The following DOK5 variants were observed in gnomAD, a reference collection of about 807,000 sequenced individuals.
DOK5 encodes the protein docking protein 5, also known as downstream of tyrosine kinase 5.
A neutral mutation model predicts 43.3 loss-of-function variants in DOK5; 27 were observed. The ratio of observed to expected loss-of-function variants is 0.62; its 90% CI spans 0.46 to 0.86. DOK5 has a LOEUF of 0.86. DOK5 is among the 40% of genes least tolerant of loss of function. DOK5 has a pLI of 0.00. For missense variants in DOK5, 373 were observed against 392.9 expected (o/e 0.95, Z 0.43); for synonymous variants, 146 against 140.1 (o/e 1.04, Z -0.30).
intron 5 of DOK5, among the ~76,000 whole-genome samples, chr20:54,603,545 G>C (rs1029278088): frequency 1.3e-5 from 2 of 152,088 alleles, no homozygotes; most frequent in African/African-American, 4.8e-5. Flanking sequence ...CCTCATTTTG[G>C]TCTATTTCAA....
chr20:54,533,526 G>C (rs955277309), intron 1 of DOK5, among the ~76,000 whole-genome samples: 1 of 152,010 alleles, frequency 6.6e-6, no homozygotes, highest in Non-Finnish European at 1.5e-5. Context: ...ATTAACAAAA[G>C]AATGCATAAT....
chr20:54,478,685 C>T (rs1000482422), intron 1 of DOK5, among the ~76,000 whole-genome samples: 52 of 152,314 alleles, frequency 3.4e-4, no homozygotes, highest in South Asian at 8.3e-4. Flanking sequence ...GGAACGCATT[C>T]TGCTTCTATT....
intron 7 of DOK5, among the ~76,000 whole-genome samples, chr20:54,644,691 G>A (rs2870334): frequency 0.35 from 41,826 of 120,296 alleles, 7,244 homozygotes; most frequent in African/African-American, 0.55. Context: ...GGGTGACAGA[G>A]AGAGACTCCG....
chr20:54,641,519 T>C (rs1245530841), intron 6 of DOK5, among the ~76,000 whole-genome samples: 1 of 149,472 alleles, frequency 6.7e-6, no homozygotes, highest in Non-Finnish European at 1.5e-5. Flanking sequence ...AATCCTAACA[T>C]GGGCATTGCA....
chr20:54,476,229 C>G, intron 1 of DOK5: 1 of 983,414 alleles, frequency 1.0e-6, no homozygotes, highest in South Asian at 4.7e-5. Flanking sequence ...ACTTGGCTTT[C>G]TGATGGTGGC....
Position 54,572,452 on chromosome 20 carries a change from G to A in DOK5, c.175-16031G>A, listed in dbSNP as rs541700585. Among the ~76,000 whole-genome samples the A allele has an allele frequency of 6.6e-5, 10 of 152,158 alleles. No individual in the cohort carries two copies. In the South Asian group the frequency reaches 1.9e-3, roughly 28 times the overall value. On this transcript the variant is annotated intron_variant, in intron 2 of 7. Transcript: ENST00000262593. Reference sequence around the variant, plus strand: ...GCTGGGATTACAGGCGTGAGCCACCGCATCCGGCCGCAACATTCTTATATG... The same window carrying A: ...GCTGGGATTACAGGCGTGAGCCACCACATCCGGCCGCAACATTCTTATATG...
rs867662374 is a variant in DOK5, at chr20:54,490,830, C to T, written c.66+14818C>T. ...GTCTCGATCTCTTGACCTTGTGATCCGCCCACCACGGCCTCCCAAAGTGCT... is the reference window on the plus strand; with the variant it reads ...GTCTCGATCTCTTGACCTTGTGATCTGCCCACCACGGCCTCCCAAAGTGCT... On this transcript the variant is annotated intron_variant, in intron 1 of 7. Transcript: ENST00000262593. Among the ~76,000 whole-genome samples the T allele has an allele frequency of 7.9e-5, 12 of 152,234 alleles. No individual in the cohort carries two copies. In the South Asian group the frequency reaches 1.5e-3, roughly 18 times the overall value.
At chr20:54,589,835 T>A (rs1463431193) in intron 4 of DOK5, among the ~76,000 whole-genome samples, 1 of 152,138 alleles carries the variant, frequency 6.6e-6, no homozygotes, top group Non-Finnish European at 1.5e-5. Flanking sequence ...CCATAACCCA[T>A]CTCCATGGAA....
At chr20:54,532,330 T>C (rs1291887412) in intron 1 of DOK5, among the ~76,000 whole-genome samples, 7 of 152,222 alleles carry the variant, frequency 4.6e-5, no homozygotes, top group Admixed American at 6.5e-5. Flanking sequence ...TGAGGTTGTG[T>C]TCTTGACTTT....
At chr20:54,537,043 C>T (rs2146711910) in intron 1 of DOK5, among the ~76,000 whole-genome samples, 1 of 152,358 alleles carries the variant, frequency 6.6e-6, no homozygotes, top group East Asian at 1.9e-4. Flanking sequence ...AATGAGGCCA[C>T]TCCTACTGCA....
At chr20:54,490,587 C>T (rs1174252645) in intron 1 of DOK5, among the ~76,000 whole-genome samples, 8 of 151,930 alleles carry the variant, frequency 5.3e-5, no homozygotes, top group Admixed American at 5.2e-4. Context: ...TTTCCTTTCT[C>T]TCTTATTTTT....
intron 6 of DOK5, among the ~76,000 whole-genome samples, chr20:54,641,503 A>ATT (rs1568825445): frequency 1.3e-4 from 20 of 149,476 alleles, no homozygotes; most frequent in Non-Finnish European, 1.9e-4. Flanking sequence ...AAATTTTTAA[A>ATT]AAAAAAATCC....
chr20:54,490,112 T>C (rs986223883), intron 1 of DOK5, among the ~76,000 whole-genome samples: 1 of 152,162 alleles, frequency 6.6e-6, no homozygotes, highest in Admixed American at 6.5e-5. Context: ...CTTTTAAGAG[T>C]AATATTTACT....
intron 6 of DOK5, among the ~76,000 whole-genome samples, chr20:54,611,975 G>T (rs542725224): frequency 5.9e-5 from 9 of 152,338 alleles, no homozygotes; most frequent in African/African-American, 2.2e-4. Context: ...AACATGGCCT[G>T]CAAGTACTTA....
intron 1 of DOK5, among the ~76,000 whole-genome samples, chr20:54,534,621 A>G (rs1261303463): frequency 6.6e-6 from 1 of 152,212 alleles, no homozygotes; most frequent in African/African-American, 2.4e-5. Flanking sequence ...CATTTAAGTG[A>G]AAGCATACAC....
intron 1 of DOK5, among the ~76,000 whole-genome samples, chr20:54,503,825 A>T (rs892664528): frequency 2.6e-5 from 4 of 152,168 alleles, no homozygotes; most frequent in Non-Finnish European, 5.9e-5. Flanking sequence ...GTGAAGATGG[A>T]CATAAAATGA....
intron 6 of DOK5, 84 bp from the exon 7 acceptor site, chr20:54,643,374 T>G (rs1475883932): frequency 6.4e-7 from 1 of 1,551,784 alleles, no homozygotes; most frequent in Non-Finnish European, 8.7e-7. Context: ...GTGGTTCTTT[T>G]ACTCCATGCT....
chr20:54,608,299 C>A (rs2146790552), intron 5 of DOK5, among the ~76,000 whole-genome samples: 1 of 152,240 alleles, frequency 6.6e-6, no homozygotes. Context: ...CAGGGGAAAC[C>A]AGTGGCCACT....
At chr20:54,558,313 G>T (rs1984782846) in intron 2 of DOK5, among the ~76,000 whole-genome samples, 1 of 152,170 alleles carries the variant, frequency 6.6e-6, no homozygotes, top group African/African-American at 2.4e-5. Flanking sequence ...ACTTCTACCT[G>T]CTGGCTTTGG....
Sources: gnomAD v4.1 joint callset for allele counts (sites outside exome capture counted in the v4.1 genomes callset) on GRCh38, gnomAD v4.1.1 for gene constraint, MANE v1.5 for transcripts, NCBI Gene and HGNC (gene_info 2026-07-23, HGNC 2026-07-21) for gene names.